The following SIMC1 variants were observed in gnomAD, a reference collection of about 807,000 sequenced individuals.
SIMC1 encodes SUMO-interacting motif-containing protein 1.
In SIMC1, 55 loss-of-function variants were observed where a neutral mutation model predicts 82.3. That is an observed-to-expected ratio of 0.67 (90% CI 0.54 to 0.84). SIMC1 has a LOEUF of 0.84. SIMC1 is among the 40% of genes least tolerant of loss of function. The probability of loss-of-function intolerance (pLI) is 0.00; values close to 1 mark genes in which losing one functional copy is unlikely to be tolerated. For missense variants in SIMC1, 915 were observed against 1,107.2 expected (o/e 0.83, Z 2.46); for synonymous variants, 353 against 426.3 (o/e 0.83, Z 2.12).
intron 2 of SIMC1, chr5:176,294,824 G>T: frequency 1.9e-6 from 1 of 536,876 alleles, no homozygotes. Context: ...AATTAGCCGG[G>T]CGTGGTGGTG....
At chr5:176,337,603 G>A (rs574692429) in intron 9 of SIMC1, among the ~76,000 whole-genome samples, 29 of 152,146 alleles carry the variant, frequency 1.9e-4, no homozygotes, top group East Asian at 3.9e-4. Flanking sequence ...CAAGGGGGGC[G>A]GAAAAAAAGA....
intron 1 of SIMC1, among the ~76,000 whole-genome samples, chr5:176,279,732 C>G (rs979405959): frequency 1.5e-4 from 22 of 151,068 alleles, no homozygotes; most frequent in African/African-American, 4.6e-4. Context: ...TCGTTATGTA[C>G]CCAGTAGTCA....
At chr5:176,305,136 A>AGCGGG (rs1428016379) in intron 4 of SIMC1, among the ~76,000 whole-genome samples, 1,048 of 32,194 alleles carry the variant, frequency 0.033, 71 homozygotes, top group Non-Finnish European at 0.047. Flanking sequence ...GCCATCCAGG[A>AGCGGG]GGGGGGGGGG....
intron 1 of SIMC1, among the ~76,000 whole-genome samples, chr5:176,276,642 C>A (rs1402991856): frequency 2.2e-5 from 3 of 138,010 alleles, no homozygotes; most frequent in African/African-American, 8.2e-5. Context: ...ATTCCCCTTT[C>A]TGTGTCCATG....
chr5:176,240,876 C>A lies in SIMC1; in HGVS notation c.129+2239C>A. On this transcript the variant is annotated intron_variant, in intron 1 of 9. Transcript: ENST00000429602. ...TTTTAAATTTTTAATGAGACAAATG[C>A]AAGGAAAGGATCTCATATAAATGAT... Among the ~76,000 whole-genome samples, 2 of 92,572 alleles carry A rather than the reference C, an allele frequency of 2.2e-5. 1 individual carries two copies. The highest frequency in any genetic ancestry group is 4.8e-5 in the Non-Finnish European group (2 of 41,616). The allele number at this position is 92,572 out of a possible 152,430, so 60.7% of individuals were successfully genotyped here. A position where few individuals can be genotyped will look rare whatever the true frequency, so the allele number is the denominator to read the frequency against.
intron 4 of SIMC1, among the ~76,000 whole-genome samples, chr5:176,297,502 CAAAAAAAAAAAAAAA>C (rs896827211): frequency 8.3e-5 from 3 of 35,932 alleles, no homozygotes; most frequent in Non-Finnish European, 1.7e-4. Flanking sequence ...AACTCTGTCT[CAAAAAAAAAAAAAAA>C]AAAAAAAAAA....
At chr5:176,315,527 C>T (rs573927111) in intron 5 of SIMC1, among the ~76,000 whole-genome samples, 11 of 152,254 alleles carry the variant, frequency 7.2e-5, no homozygotes, top group African/African-American at 2.6e-4. Context: ...ATCCGAACAT[C>T]CCTTGCTTTT....
chr5:176,250,234 T>C (rs1761605662), intron 1 of SIMC1, among the ~76,000 whole-genome samples: 1 of 152,330 alleles, frequency 6.6e-6, no homozygotes, highest in Middle Eastern at 3.4e-3. Flanking sequence ...CCAGTAGTTA[T>C]TCAGGAGCAG....
At chr5:176,331,526 G>A (rs1765670449) in intron 7 of SIMC1, among the ~76,000 whole-genome samples, 1 of 151,000 alleles carries the variant, frequency 6.6e-6, no homozygotes, top group African/African-American at 2.4e-5. Flanking sequence ...TGTTGGCCAG[G>A]CTGGTCTCGA....
chr5:176,251,202 A>C (rs1380519709), intron 1 of SIMC1, among the ~76,000 whole-genome samples: 2 of 152,136 alleles, frequency 1.3e-5, no homozygotes, highest in East Asian at 3.9e-4. Context: ...TCTACTAAAA[A>C]TACACAAATT....
chr5:176,313,402 T>C, intron 4 of SIMC1: 1 of 1,542,594 alleles, frequency 6.5e-7, no homozygotes, highest in Non-Finnish European at 8.7e-7. Flanking sequence ...GCTTAGGTGT[T>C]AGAAAATTAT....
At position 176,290,648 on chromosome 5, in the gene SIMC1, A is replaced by C. The variant is rs529897288; in HGVS notation, c.1124A>C (p.Gln375Pro). The part of the protein sequence containing the change: ...HLPGDRPDFT[Q>P]NDVQNRDMPM... The stretch of plus-strand genomic sequence containing the variant: ...CCAGGAGACAGGCCTGACTTTACCC[A>C]GAATGATGTACAGAACCGTGACATG... The change falls in exon 2 of 10, where the codon CAG becomes CCG. Residue 375 changes from glutamine to proline, a missense_variant. Around this residue, in one of 2 missense-constraint regions of SIMC1, gnomAD observed 902 missense variants for 1,040.3 expected, o/e 0.87. Coordinates refer to ENST00000429602, the MANE Select transcript of SIMC1 (RefSeq NM_001308195.2). 6.2e-7 allele frequency: 1 copy of C among 1,614,044 alleles called. No individual in the cohort carries two copies. The highest frequency in any genetic ancestry group is 8.5e-7 in the Non-Finnish European group (1 of 1,179,904).
intron 9 of SIMC1, among the ~76,000 whole-genome samples, chr5:176,344,565 C>CA (rs1183794611): frequency 6.6e-6 from 1 of 152,054 alleles, no homozygotes; most frequent in Admixed American, 6.6e-5. Flanking sequence ...ACAGGCTGTA[C>CA]AGGAGGCATA....
rs764114753 is a variant in SIMC1 at position 176,295,158 on chromosome 5, A to T, written c.1560A>T (p.Pro520=). Residue 520 remains proline, a synonymous_variant, in exon 3 of 10, where the codon CCA becomes CCT. Coordinates refer to ENST00000429602, the MANE Select transcript of SIMC1 (RefSeq NM_001308195.2). ...ACTTTGTGTCACCCCAGCATTACCC[A>T]CCAAGAGAAATCGTGGCTCACATCA... is the stretch of plus-strand genomic sequence containing the variant. The part of the protein sequence containing the change: ...LMDFVSPQHY[P]PREIVAHIIQ... 1.2e-6 allele frequency: 2 copies of T among 1,613,298 alleles called. No individual in the cohort carries two copies. The highest frequency in any genetic ancestry group is 1.3e-5 in the African/African-American group (1 of 74,792).
intron 5 of SIMC1, among the ~76,000 whole-genome samples, chr5:176,317,224 A>G (rs1321502260): frequency 2.6e-5 from 4 of 152,212 alleles, no homozygotes; most frequent in African/African-American, 9.7e-5. Context: ...TATTGTATGT[A>G]AATTATACCT....
chr5:176,334,774 A>G (rs1765812629), intron 7 of SIMC1, among the ~76,000 whole-genome samples: 1 of 152,132 alleles, frequency 6.6e-6, no homozygotes, highest in South Asian at 2.1e-4. Context: ...CATGAAGTTT[A>G]CCACCTTTGT....
At chr5:176,246,604 A>C (rs1271069652) in intron 1 of SIMC1, among the ~76,000 whole-genome samples, 1 of 151,794 alleles carries the variant, frequency 6.6e-6, no homozygotes, top group African/African-American at 2.4e-5. Flanking sequence ...TGCCTAGCTA[A>C]TTTTTTATTT....
intron 1 of SIMC1, among the ~76,000 whole-genome samples, chr5:176,255,916 A>G (rs1400063568): frequency 1.3e-5 from 2 of 152,092 alleles, no homozygotes; most frequent in Non-Finnish European, 2.9e-5. Flanking sequence ...TTATCACCTC[A>G]CCAAACAAAA....
intron 1 of SIMC1, among the ~76,000 whole-genome samples, chr5:176,262,478 A>G (rs577795912): frequency 8.0e-4 from 122 of 152,258 alleles, no homozygotes; most frequent in African/African-American, 2.5e-3. Flanking sequence ...TGGAAGTCCT[A>G]GCTAATGTGA....
Sources: gnomAD v4.1 joint callset for allele counts (sites outside exome capture counted in the v4.1 genomes callset) on GRCh38, gnomAD v4.1.1 for gene constraint, gnomAD v4.1.1 regional missense constraint, MANE v1.5 for transcripts, NCBI Gene and HGNC (gene_info 2026-07-23, HGNC 2026-07-21) for gene names.